Variants in LTBP1 observed in about 807,000 individuals in gnomAD.
The protein encoded by LTBP1 is latent-transforming growth factor beta-binding protein 1.
A neutral mutation model predicts 207.6 loss-of-function variants in LTBP1; 129 were observed. The observed-to-expected ratio is 0.62, with a 90% CI of 0.54 to 0.72. LTBP1 has a LOEUF of 0.72. LTBP1 is among the 30% of genes least tolerant of loss of function. The probability of loss-of-function intolerance (pLI) is 0.00; values close to 1 mark genes in which losing one functional copy is unlikely to be tolerated. For synonymous variants in LTBP1, 963 were observed against 833.7 expected, an observed-to-expected ratio of 1.16 and a Z score of -2.67; for missense variants, 2,281 against 2,217.2, an observed-to-expected ratio of 1.03 and a Z score of -0.58.
chr2:33,078,101 AT>A (rs2078183098), intron 3 of LTBP1, among the ~76,000 whole-genome samples: 1 of 151,250 alleles, frequency 6.6e-6, no homozygotes, highest in South Asian at 2.1e-4. Context: ...TTTGGAGACA[AT>A]TTATTTGTCA....
chr2:33,345,929 G>T (rs2094695403), intron 25 of LTBP1, among the ~76,000 whole-genome samples: 1 of 152,174 alleles, frequency 6.6e-6, no homozygotes, highest in Non-Finnish European at 1.5e-5. Flanking sequence ...AATATTGCAG[G>T]AGGAAAGAGG....
At chr2:33,339,114 A>AG in intron 24 of LTBP1, among the ~76,000 whole-genome samples, 1 of 152,238 alleles carries the variant, frequency 6.6e-6, no homozygotes, top group East Asian at 1.9e-4. Context: ...AAGATAGTAA[A>AG]GACGGCATGA....
At chr2:32,998,558 A>G (rs998148936) in intron 2 of LTBP1, among the ~76,000 whole-genome samples, 1 of 150,316 alleles carries the variant, frequency 6.7e-6, no homozygotes, top group African/African-American at 2.5e-5. Context: ...GTTGTTATGA[A>G]CTGAATGTTT....
At chr2:32,949,508 A>G (rs1340355032) in intron 2 of LTBP1, among the ~76,000 whole-genome samples, 1 of 152,224 alleles carries the variant, frequency 6.6e-6, no homozygotes, top group Admixed American at 6.5e-5. Flanking sequence ...TGCAGTTCAC[A>G]TGCATGCCCA....
At chr2:33,093,180 G>A (rs2079199053) in intron 3 of LTBP1, among the ~76,000 whole-genome samples, 1 of 152,192 alleles carries the variant, frequency 6.6e-6, no homozygotes, top group African/African-American at 2.4e-5. Flanking sequence ...GCAGTCCCTG[G>A]TATATTTGAA....
chr2:33,043,742 G>C (rs2076306927), intron 3 of LTBP1, among the ~76,000 whole-genome samples: 1 of 152,212 alleles, frequency 6.6e-6, no homozygotes, highest in Admixed American at 6.5e-5. Flanking sequence ...GTGAGGGTGA[G>C]AATGCAACAC....
chr2:33,260,219 TA>T lies in LTBP1; in HGVS notation c.2418+611del, dbSNP rs142257965. ...TTACTGGATCTAAGTCCTATTTATG[TA>T]ATATTGTTCCTTCTCTGAATCCGGC... On this transcript the variant is annotated intron_variant, in intron 13 of 33. Coordinates refer to ENST00000404816, the MANE Select transcript of LTBP1 (RefSeq NM_206943.4). Among the ~76,000 whole-genome samples the T allele has an allele frequency of 1.5e-3, 233 of 152,316 alleles. 4 individuals are homozygous for T. The East Asian group carries it at 0.036, about 23-fold the overall frequency.
In LTBP1 at chr2:33,398,445, A is replaced by C; in HGVS notation, c.5066A>C (p.Lys1689Thr). The change falls in exon 34 of 34, where the codon AAG (lysine) becomes ACG (threonine). Residue 1689 changes from lysine to threonine, a missense_variant. This residue lies in a region of LTBP1 where 1,671 missense variants were observed against 1,634.8 expected (regional missense o/e 1.02). Transcript: ENST00000404816. ...TGCATTAACACCGATGGTTCCTACA[A>C]GTGTTTGTGTCTGCCAGGCTACGTG... ...AKCINTDGSY[K>T]CLCLPGYVPS... is the part of the protein sequence containing the mutation. 6.2e-7 allele frequency: 1 copy of C among 1,614,202 alleles called. No individual in the cohort carries two copies. Among genetic ancestry groups the C allele is most frequent in the East Asian group, 2.2e-5 (1 of 44,882 alleles).
At chr2:33,302,933 C>T (rs546662080) in intron 22 of LTBP1, among the ~76,000 whole-genome samples, 5 of 148,474 alleles carry the variant, frequency 3.4e-5, no homozygotes, top group South Asian at 2.2e-4. Flanking sequence ...GGCGTGGTGG[C>T]GCCCAGCTAA....
chr2:33,173,676 A>G (rs1026470684), intron 5 of LTBP1, among the ~76,000 whole-genome samples: 4 of 151,596 alleles, frequency 2.6e-5, no homozygotes, highest in Non-Finnish European at 5.9e-5. Context: ...TCATCCTGAT[A>G]CCAAAGCCAG....
intron 3 of LTBP1, among the ~76,000 whole-genome samples, chr2:33,037,869 C>T (rs2076000370): frequency 6.6e-6 from 1 of 152,190 alleles, no homozygotes; most frequent in South Asian, 2.1e-4. Flanking sequence ...AGGTGTGTGC[C>T]ACCATAGCCA....
chr2:33,397,327 A>G lies in LTBP1; in HGVS notation c.4984+45A>G, dbSNP rs761393077. 8 of 1,602,512 alleles carry G rather than the reference A, an allele frequency of 5.0e-6. 1 individual carries two copies. The Admixed American group carries it at 1.2e-4, about 23-fold the overall frequency. On this transcript the variant is annotated intron_variant, in intron 33 of 33. Transcript: ENST00000404816. ...TATGGGACATTAATTTTTTCCTGAC[A>G]CCCCGTATCTCAGTCAGTAGAGAAC...
At chr2:33,348,626 G>A (rs560629971) in intron 26 of LTBP1, among the ~76,000 whole-genome samples, 3 of 152,186 alleles carry the variant, frequency 2.0e-5, no homozygotes, top group South Asian at 4.2e-4. Context: ...TTTTTGTTTG[G>A]TTCCATAGGG....
chr2:33,205,232 A>T (rs2089748058), intron 7 of LTBP1, among the ~76,000 whole-genome samples: 1 of 152,178 alleles, frequency 6.6e-6, no homozygotes. Context: ...TTCAACCCAC[A>T]CTTCTCTCTG....
intron 13 of LTBP1, among the ~76,000 whole-genome samples, chr2:33,260,028 A>T (rs566976910): frequency 6.6e-6 from 1 of 152,344 alleles, no homozygotes; most frequent in South Asian, 2.1e-4. Context: ...TAGTTCAACT[A>T]AAATTTAACA....
chr2:32,976,321 C>A (rs76524039), intron 2 of LTBP1, among the ~76,000 whole-genome samples: 1,756 of 152,200 alleles, frequency 0.012, 28 homozygotes, highest in African/African-American at 0.039. Flanking sequence ...TCCTCAGGGC[C>A]GTGGCAGTGG....
At chr2:33,322,099 A>G (rs528779970) in intron 24 of LTBP1, among the ~76,000 whole-genome samples, 1 of 150,982 alleles carries the variant, frequency 6.6e-6, no homozygotes, top group Non-Finnish European at 1.5e-5. Context: ...AGAAATTCAT[A>G]ATAGTAGCAA....
intron 2 of LTBP1, among the ~76,000 whole-genome samples, chr2:32,969,229 T>TGTGTG (rs575035380): frequency 0.04 from 5,251 of 131,670 alleles, 209 homozygotes; most frequent in African/African-American, 0.082. Context: ...CCTGGCCAAT[T>TGTGTG]TGTGTGTGTG....
At chr2:33,207,407 T>C (rs992093421) in intron 7 of LTBP1, among the ~76,000 whole-genome samples, 2 of 152,094 alleles carry the variant, frequency 1.3e-5, no homozygotes, top group African/African-American at 4.8e-5. Context: ...CTTTGTAAAA[T>C]CAATAGCCTG....
Sources: allele counts gnomAD v4.1 joint callset (sites outside exome capture counted in the v4.1 genomes callset), GRCh38; gene constraint gnomAD v4.1.1; regional missense constraint gnomAD v4.1.1; transcripts MANE v1.5; gene names NCBI Gene and HGNC (gene_info 2026-07-23, HGNC 2026-07-21).